SPOCK1: variants seen among roughly 807,000 people sequenced by gnomAD.
The protein encoded by SPOCK1 is testican-1.
Under a neutral mutation model 55.3 loss-of-function variants are expected in SPOCK1, and 23 were observed. That is an observed-to-expected ratio of 0.42 (90% CI 0.30 to 0.59). The LOEUF is 0.59. Among genes scored for constraint, SPOCK1 ranks in the 20% least tolerant of loss-of-function variants. The pLI, the probability that SPOCK1 is intolerant of heterozygous loss-of-function variation, is 0.22. For synonymous variants in SPOCK1, 226 were observed against 221.0 expected (o/e 1.02, Z -0.20); for missense variants, 499 against 552.5 (o/e 0.90, Z 0.97).
intron 3 of SPOCK1, among the ~76,000 whole-genome samples, chr5:137,221,489 T>C (rs1755845453): frequency 6.6e-6 from 1 of 152,176 alleles, no homozygotes; most frequent in African/African-American, 2.4e-5. Context: ...GTTATGAGGG[T>C]GGTTGCCTCA....
At chr5:137,355,036 G>A (rs777312610) in intron 2 of SPOCK1, among the ~76,000 whole-genome samples, 86 of 151,926 alleles carry the variant, frequency 5.7e-4, no homozygotes, top group Admixed American at 1.5e-3. Context: ...CTGAGTAGAC[G>A]GGACTACAGG....
rs1013387816 is a variant in SPOCK1, at chr5:137,040,428, A to C, written c.589+27287T>G. On this transcript the variant is annotated intron_variant, in intron 6 of 10. Coordinates refer to ENST00000394945, the MANE Select transcript of SPOCK1 (RefSeq NM_004598.4). ...CAGAGAAGAGATAAGTGCTGGAGAC[A>C]ATCTCCAAACATATCTGGGAGCAAG... is the stretch of plus-strand genomic sequence containing the variant. 2.0e-5 allele frequency among the ~76,000 whole-genome samples: 3 copies of C among 152,356 alleles called. No individual in the cohort carries two copies. In the East Asian group the frequency reaches 5.8e-4, roughly 29 times the overall value.
At position 137,486,174 on chromosome 5, in the gene SPOCK1, A is replaced by T. The variant is rs1008365647; in HGVS notation, c.186+12199T>A. ...TGTCTGAACTCTCCACCTTGATTGT[A>T]CAGGCCAGCACCTTCCTGTTGGCCT... On this transcript the variant is annotated intron_variant, in intron 2 of 10. Coordinates refer to ENST00000394945, the MANE Select transcript of SPOCK1 (RefSeq NM_004598.4). Among the ~76,000 whole-genome samples, 6 of 152,300 alleles carry T rather than the reference A, an allele frequency of 3.9e-5. No homozygotes were observed. The East Asian group carries it at 1.2e-3, about 29-fold the overall frequency.
At chr5:137,331,765 C>T (rs958024224) in intron 2 of SPOCK1, among the ~76,000 whole-genome samples, 9 of 152,070 alleles carry the variant, frequency 5.9e-5, no homozygotes, top group African/African-American at 9.7e-5. Context: ...TCCGCTCCCA[C>T]GATCCAATCA....
chr5:136,994,418 C>A (rs976752088), intron 6 of SPOCK1, among the ~76,000 whole-genome samples: 2 of 152,068 alleles, frequency 1.3e-5, no homozygotes, highest in Admixed American at 1.3e-4. Flanking sequence ...AGCACCTCGG[C>A]TTCCTTATCT....
chr5:137,032,241 C>T (rs1751795501), intron 6 of SPOCK1, among the ~76,000 whole-genome samples: 2 of 152,014 alleles, frequency 1.3e-5, no homozygotes, highest in Non-Finnish European at 2.9e-5. Flanking sequence ...CACAAACAAA[C>T]AGATAAACAT....
intron 3 of SPOCK1, among the ~76,000 whole-genome samples, chr5:137,240,642 C>A (rs1017037919): frequency 6.6e-6 from 1 of 152,116 alleles, no homozygotes; most frequent in African/African-American, 2.4e-5. Flanking sequence ...GTCAACTCTC[C>A]TTAAGGAAAT....
chr5:137,440,088 G>T (rs11744217), intron 2 of SPOCK1, among the ~76,000 whole-genome samples: 2 of 151,044 alleles, frequency 1.3e-5, no homozygotes, highest in Non-Finnish European at 2.9e-5. Flanking sequence ...GCAGGGAGGG[G>T]GAAAAATCTT....
chr5:137,170,367 C>T (rs1158847635), intron 3 of SPOCK1, among the ~76,000 whole-genome samples: 3 of 152,158 alleles, frequency 2.0e-5, no homozygotes, highest in African/African-American at 7.2e-5. Flanking sequence ...CCAAGCACTC[C>T]ACAAGCATTA....
At chr5:137,129,619 A>T (rs1753837849) in intron 4 of SPOCK1, among the ~76,000 whole-genome samples, 1 of 152,152 alleles carries the variant, frequency 6.6e-6, no homozygotes, top group East Asian at 1.9e-4. Context: ...GGGCCACAGG[A>T]CTGGTTGAGT....
intron 7 of SPOCK1, 53 bp from the exon 8 acceptor site, chr5:136,988,696 C>G: frequency 6.5e-7 from 1 of 1,526,836 alleles, no homozygotes; most frequent in Non-Finnish European, 8.9e-7. Flanking sequence ...GCTTTCCTCC[C>G]TGCTCACTCC....
chr5:137,485,249 C>T (rs1461848131), intron 2 of SPOCK1, among the ~76,000 whole-genome samples: 1 of 152,168 alleles, frequency 6.6e-6, no homozygotes, highest in African/African-American at 2.4e-5. Flanking sequence ...GTATCTTTGT[C>T]CCTAGCACTT....
intron 3 of SPOCK1, among the ~76,000 whole-genome samples, chr5:137,216,492 C>G (rs1755718536): frequency 6.6e-6 from 1 of 152,206 alleles, no homozygotes; most frequent in East Asian, 1.9e-4. Flanking sequence ...GGGTGGATCA[C>G]TTGAGGTCAG....
chr5:137,106,968 C>A (rs1187830848), intron 5 of SPOCK1, among the ~76,000 whole-genome samples: 1 of 152,124 alleles, frequency 6.6e-6, no homozygotes, highest in Non-Finnish European at 1.5e-5. Flanking sequence ...TCCTCCCTGA[C>A]TGAATGAGCT....
At chr5:137,208,005 T>C (rs1755548497) in intron 3 of SPOCK1, among the ~76,000 whole-genome samples, 1 of 152,054 alleles carries the variant, frequency 6.6e-6, no homozygotes, top group Non-Finnish European at 1.5e-5. Context: ...CCAGCAACAT[T>C]AATCAAAATC....
intron 3 of SPOCK1, among the ~76,000 whole-genome samples, chr5:137,155,336 C>T (rs922930478): frequency 2.6e-5 from 4 of 152,220 alleles, no homozygotes; most frequent in Admixed American, 2.6e-4. Context: ...CTATCCATAG[C>T]AGTCCCCCGT....
intron 5 of SPOCK1, among the ~76,000 whole-genome samples, chr5:137,068,871 G>T (rs2127006829): frequency 6.6e-6 from 1 of 152,308 alleles, no homozygotes; most frequent in South Asian, 2.1e-4. Flanking sequence ...AATTTCTCAA[G>T]ATCAAGACCG....
intron 2 of SPOCK1, among the ~76,000 whole-genome samples, chr5:137,420,753 G>A (rs1288250459): frequency 6.6e-6 from 1 of 152,046 alleles, no homozygotes. Context: ...ACCAGCTCCT[G>A]GGTTCATTGA....
At chr5:137,377,682 C>T (rs1237840943) in intron 2 of SPOCK1, among the ~76,000 whole-genome samples, 1 of 152,050 alleles carries the variant, frequency 6.6e-6, no homozygotes, top group African/African-American at 2.4e-5. Flanking sequence ...ACAGATAAAT[C>T]GTGGGAGGGG....
Sources: gnomAD v4.1 joint callset for allele counts (sites outside exome capture counted in the v4.1 genomes callset) on GRCh38, gnomAD v4.1.1 for gene constraint, MANE v1.5 for transcripts, NCBI Gene and HGNC (gene_info 2026-07-23, HGNC 2026-07-21) for gene names.